Variants in MAML2 observed in about 807,000 individuals in gnomAD.
MAML2 encodes mastermind like transcriptional coactivator 2.
MAML2 carries 22 observed loss-of-function variants against 96.1 expected under a neutral mutation model. That is an observed-to-expected ratio of 0.23 (90% CI 0.16 to 0.33). MAML2 has a LOEUF of 0.33. Ranked by LOEUF, MAML2 falls within the 10% of genes least tolerant of loss-of-function variation. MAML2 has a pLI of 1.00. For missense variants in MAML2, 1,367 were observed against 1,392.4 expected, an observed-to-expected ratio of 0.98 and a Z score of 0.29; for synonymous variants, 561 against 521.3, an observed-to-expected ratio of 1.08 and a Z score of -1.04.
intron 1 of MAML2, among the ~76,000 whole-genome samples, chr11:96,203,646 A>G (rs1007954342): frequency 6.6e-6 from 1 of 152,256 alleles, no homozygotes; most frequent in African/African-American, 2.4e-5. Flanking sequence ...AGAGAAATAC[A>G]CTTAAACACA....
At chr11:96,117,220 A>G (rs930173616) in intron 1 of MAML2, among the ~76,000 whole-genome samples, 9 of 152,180 alleles carry the variant, frequency 5.9e-5, no homozygotes, top group African/African-American at 2.2e-4. Flanking sequence ...GCAAATTTCC[A>G]TAACTGGATT....
chr11:96,039,227 C>A (rs1450281736), intron 2 of MAML2, among the ~76,000 whole-genome samples: 3 of 151,494 alleles, frequency 2.0e-5, no homozygotes, highest in Non-Finnish European at 4.4e-5. Flanking sequence ...TGAACTCCAG[C>A]CTCAGTGACA....
Position 96,321,637 on chromosome 11 carries a change from G to T in MAML2, c.513+19746C>A, listed in dbSNP as rs116466536. Among the ~76,000 whole-genome samples, 220 of 152,308 alleles carry T rather than the reference G, an allele frequency of 1.4e-3. 1 individual carries two copies. Among genetic ancestry groups the T allele is most frequent in the African/African-American group, 5.2e-3 (217 of 41,570 alleles). ...CTACAGAATTTAGAGTGTGCAGGAA[G>T]TATGTCTATAGAAGGTTTTTGTTCT... On this transcript the variant is annotated intron_variant, in intron 1 of 4. Coordinates refer to ENST00000524717, the MANE Select transcript of MAML2 (RefSeq NM_032427.4).
At chr11:96,016,228 C>G (rs559201881) in intron 2 of MAML2, among the ~76,000 whole-genome samples, 9 of 116,734 alleles carry the variant, frequency 7.7e-5, no homozygotes, top group Non-Finnish European at 1.3e-4. Context: ...TGCTTTCTGA[C>G]TGATCATGAG....
chr11:96,102,228 A>G (rs1859946754), intron 1 of MAML2, among the ~76,000 whole-genome samples: 1 of 152,238 alleles, frequency 6.6e-6, no homozygotes, highest in African/African-American at 2.4e-5. Flanking sequence ...GTGAGCCGAG[A>G]TCGCGTCACT....
intron 1 of MAML2, among the ~76,000 whole-genome samples, chr11:96,284,439 C>T (rs1591113179): frequency 6.6e-6 from 1 of 152,186 alleles, no homozygotes; most frequent in African/African-American, 2.4e-5. Context: ...TTAATGGTTT[C>T]ATCTTTCCAA....
chr11:96,245,215 C>CTT (rs10584752), intron 1 of MAML2, among the ~76,000 whole-genome samples: 2 of 131,628 alleles, frequency 1.5e-5, no homozygotes. Flanking sequence ...AGTCATCCTT[C>CTT]TTTTTTTTTT....
intron 1 of MAML2, among the ~76,000 whole-genome samples, chr11:96,237,344 A>T (rs16923405): frequency 0.026 from 3,973 of 152,224 alleles, 182 homozygotes; most frequent in African/African-American, 0.091. Flanking sequence ...TTCCTGGATG[A>T]CCTCAGCCCA....
chr11:96,282,881 C>A (rs1440149318), intron 1 of MAML2, among the ~76,000 whole-genome samples: 2 of 152,208 alleles, frequency 1.3e-5, no homozygotes, highest in Admixed American at 6.5e-5. Context: ...TCACTTCAAC[C>A]TTAATGTACA....
chr11:96,215,618 T>C (rs1177253609), intron 1 of MAML2, among the ~76,000 whole-genome samples: 1 of 151,910 alleles, frequency 6.6e-6, no homozygotes, highest in Non-Finnish European at 1.5e-5. Flanking sequence ...ACCGACCTCA[T>C]GAGCAGTTCA....
intron 3 of MAML2, among the ~76,000 whole-genome samples, chr11:95,987,936 G>A (rs559406429): frequency 6.6e-6 from 1 of 152,294 alleles, no homozygotes; most frequent in South Asian, 2.1e-4. Context: ...AACAGCTTGA[G>A]ATGTTCCATG....
Position 96,149,098 on chromosome 11 carries a change from C to T in MAML2, c.514-55581G>A, listed in dbSNP as rs80262582. 2.9e-3 allele frequency among the ~76,000 whole-genome samples: 445 copies of T among 152,194 alleles called. 2 individuals are homozygous for T. The highest frequency in any genetic ancestry group is 4.3e-3 in the Non-Finnish European group (294 of 67,994). ...GCAACCCAGTCATGTGCCTCATCCA[C>T]GGTATCACAGAAGCTCTTCAAAATT... On this transcript the variant is annotated intron_variant, in intron 1 of 4. Transcript: ENST00000524717.
chr11:96,109,958 T>TG lies in MAML2; in HGVS notation c.514-16442dup, dbSNP rs777920592. 2.7e-4 allele frequency among the ~76,000 whole-genome samples: 41 copies of TG among 152,190 alleles called. 1 individual carries two copies. The highest frequency in any genetic ancestry group is 9.6e-4 in the African/African-American group (40 of 41,498). ...AGAGAAAAGGGTGGGAATGAAACTC[T>TG]GGGGAACATCAAGATTTAAGGAGCT... is the stretch of plus-strand genomic sequence containing the variant. On this transcript the variant is annotated intron_variant, in intron 1 of 4. Coordinates refer to ENST00000524717, the MANE Select transcript of MAML2 (RefSeq NM_032427.4).
intron 1 of MAML2, among the ~76,000 whole-genome samples, chr11:96,170,510 A>G (rs75364356): frequency 0.017 from 2,562 of 152,330 alleles, 66 homozygotes; most frequent in African/African-American, 0.058. Context: ...AGGTAGCTCA[A>G]AGAACCTCGA....
intron 1 of MAML2, among the ~76,000 whole-genome samples, chr11:96,280,054 A>G (rs1181487468): frequency 6.6e-6 from 1 of 152,130 alleles, no homozygotes; most frequent in African/African-American, 2.4e-5. Flanking sequence ...ATAGCTCCAT[A>G]TAGAGATATA....
chr11:96,274,479 C>T (rs1009206197), intron 1 of MAML2, among the ~76,000 whole-genome samples: 50 of 152,068 alleles, frequency 3.3e-4, no homozygotes, highest in Admixed American at 1.8e-3. Context: ...ATTTTTGTTT[C>T]TCTGTTAACT....
At chr11:95,990,750 G>A (rs1399486990) in intron 3 of MAML2, among the ~76,000 whole-genome samples, 2 of 152,052 alleles carry the variant, frequency 1.3e-5, no homozygotes, top group East Asian at 1.9e-4. Context: ...ATTTGATTTT[G>A]TTGTTATCTT....
chr11:96,177,895 T>C (rs1861411160), intron 1 of MAML2, among the ~76,000 whole-genome samples: 1 of 148,818 alleles, frequency 6.7e-6, no homozygotes, highest in Admixed American at 6.7e-5. Context: ...GTAGAAAAAA[T>C]TGAATATCTG....
intron 2 of MAML2, among the ~76,000 whole-genome samples, chr11:96,075,928 T>C (rs186704550): frequency 6.6e-6 from 1 of 152,364 alleles, no homozygotes; most frequent in Non-Finnish European, 1.5e-5. Context: ...GGCCTTGCTA[T>C]GTGACATTCT....
Sources: allele counts gnomAD v4.1 joint callset (sites outside exome capture counted in the v4.1 genomes callset), GRCh38; gene constraint gnomAD v4.1.1; transcripts MANE v1.5; gene names NCBI Gene and HGNC (gene_info 2026-07-23, HGNC 2026-07-21).